Variants in PDE1A observed in about 807,000 individuals in gnomAD.
The protein encoded by PDE1A is phosphodiesterase 1A, also known as dual specificity calcium/calmodulin-dependent 3',5'-cyclic nucleotide phosphodiesterase 1A.
PDE1A carries 35 observed loss-of-function variants against 61.7 expected under a neutral mutation model. That is an observed-to-expected ratio of 0.57 (90% CI 0.43 to 0.75). The LOEUF is 0.75. Among genes scored for constraint, PDE1A ranks in the 30% least tolerant of loss-of-function variants. PDE1A has a pLI of 0.00. For synonymous variants in PDE1A, 232 were observed against 213.2 expected (o/e 1.09, Z -0.77); for missense variants, 597 against 630.6 (o/e 0.95, Z 0.57).
chr2:182,200,997 G>C (rs1325538651), intron 10 of PDE1A, among the ~76,000 whole-genome samples: 1 of 152,110 alleles, frequency 6.6e-6, no homozygotes, highest in Non-Finnish European at 1.5e-5. Flanking sequence ...TGTTGTTGTT[G>C]TTGTTGCCTA....
the PDE1A span, among the ~76,000 whole-genome samples, chr2:182,679,193 T>TATTATTATTA: frequency 1.4e-5 from 2 of 145,782 alleles, no homozygotes; most frequent in East Asian, 2.0e-4. Context: ...TTATTATTAT[T>TATTATTATTA]TTTTTTTTGA....
chr2:182,198,484 A>C (rs1686326982), intron 10 of PDE1A, among the ~76,000 whole-genome samples: 1 of 151,854 alleles, frequency 6.6e-6, no homozygotes, highest in Non-Finnish European at 1.5e-5. Flanking sequence ...TTCGCTATAG[A>C]CCTTTGATCA....
Position 182,450,982 on chromosome 2 carries a change from G to A in PDE1A, c.101+71294C>T, listed in dbSNP as rs114856029. ...TACAAATAACTTAAGCCTGTATTCT[G>A]TAATTCCCATTGAAGTAAGTGAAAG... On this transcript the variant is annotated intron_variant, in intron 2 of 14. Coordinates refer to the PDE1A transcript ENST00000410103. 8.6e-3 allele frequency among the ~76,000 whole-genome samples: 1,307 copies of A among 152,176 alleles called. 18 individuals are homozygous for A. The highest frequency in any genetic ancestry group is 0.03 in the African/African-American group (1,230 of 41,546).
chr2:182,713,152 CTTTTTA>C, the PDE1A span, among the ~76,000 whole-genome samples: 144 of 152,196 alleles, frequency 9.5e-4, no homozygotes, highest in Non-Finnish European at 1.4e-3. Flanking sequence ...AAATTTCTTC[CTTTTTA>C]TTTTTATTTT....
At chr2:182,597,254 T>A in the PDE1A span, among the ~76,000 whole-genome samples, 1 of 152,116 alleles carries the variant, frequency 6.6e-6, no homozygotes, top group Admixed American at 6.5e-5. Context: ...GAATTTGACA[T>A]CAAAATCTTA....
At chr2:182,652,720 T>C in the PDE1A span, among the ~76,000 whole-genome samples, 1 of 152,126 alleles carries the variant, frequency 6.6e-6, no homozygotes, top group Non-Finnish European at 1.5e-5. Context: ...ATACAACAGT[T>C]ACAGGTAGAA....
At chr2:182,338,503 A>G (rs1697983637) in intron 1 of PDE1A, among the ~76,000 whole-genome samples, 1 of 151,966 alleles carries the variant, frequency 6.6e-6, no homozygotes, top group Non-Finnish European at 1.5e-5. Context: ...CCCTTCCACT[A>G]AGCATATGGT....
chr2:182,189,645 A>T (rs1209349872), intron 10 of PDE1A, among the ~76,000 whole-genome samples: 2 of 152,140 alleles, frequency 1.3e-5, no homozygotes, highest in African/African-American at 4.8e-5. Context: ...TGAAATATCA[A>T]TTTTTTTATT....
At chr2:182,147,012 T>C (rs1690531109), downstream of PDE1A, 1 of 1,027,022 alleles carries the variant, frequency 9.7e-7, no homozygotes, top group African/African-American at 1.6e-5. Context: ...GAAGTTAAGT[T>C]TCTGGTCTAT....
At chr2:182,286,726 C>T (rs1410899006) in intron 1 of PDE1A, among the ~76,000 whole-genome samples, 1 of 152,120 alleles carries the variant, frequency 6.6e-6, no homozygotes, top group Non-Finnish European at 1.5e-5. Flanking sequence ...ATAGCTTCCA[C>T]TCATATTACA....
intron 2 of PDE1A, among the ~76,000 whole-genome samples, chr2:182,493,363 G>A (rs1386930269): frequency 3.3e-5 from 5 of 151,664 alleles, no homozygotes; most frequent in Admixed American, 1.3e-4. Context: ...TCCATGTGCC[G>A]TGTTGGTGTG....
the PDE1A span, among the ~76,000 whole-genome samples, chr2:182,674,885 G>C: frequency 6.6e-6 from 1 of 151,908 alleles, no homozygotes; most frequent in Non-Finnish European, 1.5e-5. Context: ...CAGTTCCCTA[G>C]GCTGCAACCC....
At chr2:182,279,489 T>C (rs1693662755) in intron 1 of PDE1A, among the ~76,000 whole-genome samples, 1 of 151,936 alleles carries the variant, frequency 6.6e-6, no homozygotes, top group Admixed American at 6.6e-5. Flanking sequence ...CTTTCCACAG[T>C]CAATATTCTT....
chr2:182,148,340 G>A (rs186750812), intron 13 of PDE1A, among the ~76,000 whole-genome samples: 1 of 152,224 alleles, frequency 6.6e-6, no homozygotes, highest in East Asian at 1.9e-4. Context: ...TCCCTCCACT[G>A]GCTACTTTGG....
intron 13 of PDE1A, among the ~76,000 whole-genome samples, chr2:182,171,850 T>C (rs1692249362): frequency 6.6e-6 from 1 of 151,716 alleles, no homozygotes; most frequent in Admixed American, 6.6e-5. Context: ...CCATCATCTC[T>C]GTTCGACAGT....
chr2:182,613,951 A>ATAT, the PDE1A span, among the ~76,000 whole-genome samples: 3 of 152,354 alleles, frequency 2.0e-5, no homozygotes, highest in Non-Finnish European at 4.4e-5. Context: ...TTCAGAAATT[A>ATAT]GTATGATAAG....
the PDE1A span, among the ~76,000 whole-genome samples, chr2:182,703,737 ATTC>A: frequency 3.3e-5 from 5 of 152,148 alleles, no homozygotes; most frequent in South Asian, 2.1e-4. Context: ...CATGAAATGG[ATTC>A]TTCTTCTTCA....
chr2:182,395,258 G>T (rs920361535), intron 1 of PDE1A, among the ~76,000 whole-genome samples: 2 of 152,164 alleles, frequency 1.3e-5, no homozygotes, highest in Admixed American at 6.5e-5. Context: ...TCAACTCTCC[G>T]GCTTTGTGTC....
At chr2:182,695,641 T>C in the PDE1A span, among the ~76,000 whole-genome samples, 36 of 121,312 alleles carry the variant, frequency 3.0e-4, no homozygotes, top group Admixed American at 2.2e-3. Context: ...CACTCCAGCC[T>C]GGGCGACAGA....
Sources: allele counts gnomAD v4.1 joint callset (sites outside exome capture counted in the v4.1 genomes callset), GRCh38; gene constraint gnomAD v4.1.1; transcripts MANE v1.5; gene names NCBI Gene and HGNC (gene_info 2026-07-23, HGNC 2026-07-21).